Variants in FNIP2 observed in about 807,000 individuals in gnomAD.
FNIP2 encodes the protein folliculin-interacting protein 2.
In FNIP2, 32 loss-of-function variants were observed where a neutral mutation model predicts 108.7. That is an observed-to-expected ratio of 0.29 (90% confidence interval 0.22 to 0.40). The LOEUF is 0.40. FNIP2 is among the 10% of genes least tolerant of loss of function. FNIP2 has a pLI of 1.00. For missense variants in FNIP2, 1,202 were observed against 1,381.6 expected (o/e 0.87, Z 2.06); for synonymous variants, 480 against 496.7 (o/e 0.97, Z 0.45).
intron 1 of FNIP2, among the ~76,000 whole-genome samples, chr4:158,787,227 G>C (rs989281181): frequency 1.3e-5 from 2 of 152,118 alleles, no homozygotes; most frequent in East Asian, 3.9e-4. Context: ...AATGTAGTGG[G>C]GATTTCAAAG....
intron 14 of FNIP2, chr4:158,890,064 C>T (rs1196966492): frequency 1.0e-6 from 1 of 985,214 alleles, no homozygotes; most frequent in Non-Finnish European, 1.2e-6. Context: ...TTGTACTTTT[C>T]AGTTAACAAT....
chr4:158,833,874 T>C lies in FNIP2; in HGVS notation c.655+246T>C, dbSNP rs1310977587. ...GAGGACCTCTCCGGCTCACCCGGAG[T>C]GCTTCTTTCTTTGCAGGTTTGTGTG... is the stretch of plus-strand genomic sequence containing the variant. On this transcript the variant is annotated intron_variant, in intron 6 of 16. Coordinates refer to ENST00000264433, the MANE Select transcript of FNIP2 (RefSeq NM_020840.3). 3.5e-6 allele frequency: 5 copies of C among 1,442,190 alleles called. No individual in the cohort carries two copies. In the East Asian group the frequency reaches 1.5e-4, roughly 42 times the overall value. 89.3% of individuals were successfully genotyped at this position (1,442,190 alleles called of 1,614,324 possible). A position where few individuals can be genotyped will look rare whatever the true frequency, so the allele number is the denominator to read the frequency against.
chr4:158,797,619 G>A (rs1377759814), intron 1 of FNIP2, among the ~76,000 whole-genome samples: 5 of 152,164 alleles, frequency 3.3e-5, no homozygotes, highest in South Asian at 2.1e-4. Context: ...AGGATTGTTC[G>A]AGCCTAGAGG....
rs1014305478 is a variant in FNIP2 at position 158,819,899 on chromosome 4, G to A, written c.108-6017G>A. On this transcript the variant is annotated intron_variant, in intron 1 of 16. Coordinates refer to ENST00000264433, the MANE Select transcript of FNIP2 (RefSeq NM_020840.3). ...GTGTTTTTTGAGAGAATAAGGAAAC[G>A]GTGGAGGTTGGCAGAGAAAAAAGAA... is the stretch of plus-strand genomic sequence containing the variant. 5.3e-5 allele frequency among the ~76,000 whole-genome samples: 8 copies of A among 152,140 alleles called. No individual in the cohort carries two copies. In the East Asian group the frequency reaches 5.8e-4, roughly 11 times the overall value.
intron 14 of FNIP2, among the ~76,000 whole-genome samples, chr4:158,887,024 G>T (rs1046217775): frequency 1.3e-5 from 2 of 152,104 alleles, no homozygotes; most frequent in Non-Finnish European, 2.9e-5. Flanking sequence ...TTTCCTTAAG[G>T]TGTATGGGAG....
intron 1 of FNIP2, among the ~76,000 whole-genome samples, chr4:158,779,572 T>G (rs1578814322): frequency 6.8e-3 from 1 of 146 alleles, no homozygotes; most frequent in African/African-American, 7.4e-3. Context: ...TTGGTCGTGG[T>G]TTTTTTTTTT....
At chr4:158,837,476 C>G (rs548577105) in intron 7 of FNIP2, among the ~76,000 whole-genome samples, 41 of 152,202 alleles carry the variant, frequency 2.7e-4, no homozygotes, top group African/African-American at 7.5e-4. Context: ...TTTGGATTTT[C>G]CTAGGTAACT....
intron 1 of FNIP2, among the ~76,000 whole-genome samples, chr4:158,786,611 A>G (rs1339940198): frequency 6.6e-6 from 1 of 152,174 alleles, no homozygotes; most frequent in Non-Finnish European, 1.5e-5. Flanking sequence ...AATTATTTCA[A>G]CTATAAATTG....
At position 158,841,040 on chromosome 4, in the gene FNIP2, A is replaced by G. The variant is rs1779103317; in HGVS notation, c.727+5564A>G. Among the ~76,000 whole-genome samples the G allele has an allele frequency of 3.9e-5, 6 of 152,306 alleles. No homozygotes were observed. In the South Asian group the frequency reaches 1.2e-3, roughly 32 times the overall value. On this transcript the variant is annotated intron_variant, in intron 7 of 16. Coordinates refer to ENST00000264433, the MANE Select transcript of FNIP2 (RefSeq NM_020840.3). ...GACATGTGTTTTGGTCACTCTGCAG[A>G]TACAGGATGTATAACCATCCAAAAT...
intron 1 of FNIP2, among the ~76,000 whole-genome samples, chr4:158,783,026 G>A (rs749461486): frequency 1.1e-4 from 17 of 152,278 alleles, no homozygotes; most frequent in Non-Finnish European, 2.1e-4. Context: ...GCTGATTACT[G>A]TGCCATGCTG....
chr4:158,833,692 CTTTA>C, intron 6 of FNIP2, 64 bp downstream of exon 6: 1 of 1,497,536 alleles, frequency 6.7e-7, no homozygotes, highest in Non-Finnish European at 9.2e-7. Flanking sequence ...GTGTGTTTTG[CTTTA>C]TTTGAGTTTG....
chr4:158,811,302 A>G (rs973370501), intron 1 of FNIP2, among the ~76,000 whole-genome samples: 2 of 152,192 alleles, frequency 1.3e-5, no homozygotes, highest in African/African-American at 4.8e-5. Context: ...TCACTATGCC[A>G]TATCCTTTCA....
intron 1 of FNIP2, among the ~76,000 whole-genome samples, chr4:158,818,667 A>C (rs1777709331): frequency 6.6e-6 from 1 of 152,226 alleles, no homozygotes; most frequent in Non-Finnish European, 1.5e-5. Flanking sequence ...TTCTAAAAAA[A>C]ATTCTGAATT....
At chr4:158,871,641 G>A in intron 14 of FNIP2, 9 of 985,414 alleles carry the variant, frequency 9.1e-6, no homozygotes, top group Non-Finnish European at 1.1e-5. Flanking sequence ...GTACACGTGT[G>A]TGGCCAAACG....
chr4:158,899,732 ATTCTC>A (rs1783030806), intron 16 of FNIP2, among the ~76,000 whole-genome samples: 2 of 151,868 alleles, frequency 1.3e-5, no homozygotes, highest in African/African-American at 4.8e-5. Context: ...CTATTTGAAT[ATTCTC>A]TTCTTTCTTC....
At chr4:158,804,405 A>C (rs1776866219) in intron 1 of FNIP2, among the ~76,000 whole-genome samples, 1 of 136,562 alleles carries the variant, frequency 7.3e-6, no homozygotes, top group Admixed American at 8.6e-5. Flanking sequence ...TAAGAGATGT[A>C]TTATACACTT....
chr4:158,823,278 T>C (rs1415059662), intron 1 of FNIP2, among the ~76,000 whole-genome samples: 1 of 152,196 alleles, frequency 6.6e-6, no homozygotes, highest in Non-Finnish European at 1.5e-5. Flanking sequence ...TTTATTTATT[T>C]ATTTAGAGAC....
At chr4:158,851,829 T>C (rs1160509412) in intron 8 of FNIP2, among the ~76,000 whole-genome samples, 1 of 152,210 alleles carries the variant, frequency 6.6e-6, no homozygotes, top group Non-Finnish European at 1.5e-5. Flanking sequence ...TTCAAAAATA[T>C]ATGAAGTCAA....
At chr4:158,883,079 AAAAT>A (rs1015946903) in intron 14 of FNIP2, among the ~76,000 whole-genome samples, 5 of 151,936 alleles carry the variant, frequency 3.3e-5, no homozygotes, top group Non-Finnish European at 5.9e-5. Flanking sequence ...CAAAAAAAAT[AAAAT>A]AAATAAATAA....
Sources: allele counts gnomAD v4.1 joint callset (sites outside exome capture counted in the v4.1 genomes callset), GRCh38; gene constraint gnomAD v4.1.1; transcripts MANE v1.5; gene names NCBI Gene and HGNC (gene_info 2026-07-23, HGNC 2026-07-21).